The following FN1 variants were observed in gnomAD, a reference collection of about 807,000 sequenced individuals.
The protein encoded by FN1 is fibronectin.
In FN1, 106 loss-of-function variants were observed where a neutral mutation model predicts 297.3. That is an observed-to-expected ratio of 0.36 (90% CI 0.30 to 0.42). The LOEUF (loss-of-function observed/expected upper bound fraction) is 0.42. Ranked by LOEUF, FN1 falls within the 10% of genes least tolerant of loss-of-function variation. The probability of loss-of-function intolerance (pLI) is 1.00; values close to 1 mark genes in which losing one functional copy is unlikely to be tolerated. For synonymous variants in FN1, 1,149 were observed against 1,152.6 expected (o/e 1.00, Z 0.06); for missense variants, 2,690 against 3,124.9 (o/e 0.86, Z 3.32).
chr2:215,368,819 CTT>C (rs1321068389), intron 41 of FN1, among the ~76,000 whole-genome samples: 1 of 152,006 alleles, frequency 6.6e-6, no homozygotes, highest in Non-Finnish European at 1.5e-5. Context: ...GATCTTATCT[CTT>C]TATGATTTGG....
In FN1 at chr2:215,411,974, C is replaced by T. The variant is rs554910845; in HGVS notation, c.1942-1860G>A. 1.6e-4 allele frequency among the ~76,000 whole-genome samples: 25 copies of T among 152,154 alleles called. No homozygotes were observed. In the South Asian group the frequency reaches 4.8e-3, roughly 29 times the overall value. On this transcript the variant is annotated intron_variant, in intron 13 of 45. Transcript: ENST00000354785. The stretch of plus-strand genomic sequence containing the variant: ...GAGCCACTGCGCCTGGCCCAAAGTA[C>T]ATTTTATACCACTTTTAAGTCTCCC...
At chr2:215,368,498 T>C (rs2055136793) in intron 41 of FN1, among the ~76,000 whole-genome samples, 1 of 152,248 alleles carries the variant, frequency 6.6e-6, no homozygotes, top group South Asian at 2.1e-4. Context: ...GAAGATTATA[T>C]AAGGCCATGA....
intron 33 of FN1, 25 bp from the exon 34 acceptor site, chr2:215,379,342 G>A (rs772022394): frequency 6.2e-7 from 1 of 1,607,076 alleles, no homozygotes; most frequent in Non-Finnish European, 8.5e-7. Context: ...ATTGGTTAGA[G>A]GTTATCTTAT....
At chr2:215,422,309 A>C in intron 9 of FN1, 66 bp from the exon 10 acceptor site, 2 of 1,462,664 alleles carry the variant, frequency 1.4e-6, no homozygotes, top group Non-Finnish European at 1.9e-6. Context: ...GTATGTGTGC[A>C]AAAGGATCAG....
rs756600264 is a variant in FN1, at chr2:215,435,616, C to T, written c.148+39G>A. The T allele has an allele frequency of 6.8e-6, 11 of 1,612,260 alleles. No individual in the cohort carries two copies. In the South Asian group the frequency reaches 1.1e-4, roughly 16 times the overall value. On this transcript the variant is annotated intron_variant, in intron 1 of 45. Transcript: ENST00000354785. ...ACTTTGGTCGGCTTTAGGGTCCCAT[C>T]CCTGAGGCAGCCTGTTTCAGCCCGC...
intron 23 of FN1, among the ~76,000 whole-genome samples, chr2:215,396,357 A>G (rs779441365): frequency 3.3e-5 from 5 of 152,180 alleles, no homozygotes; most frequent in Non-Finnish European, 5.9e-5. Flanking sequence ...TGTTATTGCT[A>G]TAGTACGTCA....
At position 215,414,912 on chromosome 2, in the gene FN1, C is replaced by T; in HGVS notation, c.1866G>A (p.Gln622=). 1 of 1,613,902 alleles carries T rather than the reference C, an allele frequency of 6.2e-7. No homozygotes were observed. Among genetic ancestry groups the T allele is most frequent in the Non-Finnish European group, 8.5e-7 (1 of 1,179,884 alleles). Residue 622 remains glutamine, a synonymous_variant, in exon 13 of 46, where the codon CAG becomes CAA. Transcript: ENST00000354785. ...TCCACTGGATGGGGTGGGAGTTGGGCTGACTCGGAGTCTCAGTGATAAATA... is the reference window on the plus strand; with the variant it reads ...TCCACTGGATGGGGTGGGAGTTGGGTTGACTCGGAGTCTCAGTGATAAATA... ...VEVFITETPS[Q]PNSHPIQWNA...
chr2:215,432,475 A>G (rs1446902713), intron 3 of FN1, among the ~76,000 whole-genome samples: 2 of 152,230 alleles, frequency 1.3e-5, no homozygotes, highest in Admixed American at 6.5e-5. Context: ...GCCCAATGGC[A>G]CATTCAAATG....
chr2:215,371,028 G>C (rs1306195562), intron 40 of FN1, among the ~76,000 whole-genome samples: 2 of 152,202 alleles, frequency 1.3e-5, no homozygotes, highest in African/African-American at 2.4e-5. Flanking sequence ...CCAGCACTTT[G>C]GGAGGCCAAG....
Position 215,419,287 on chromosome 2 carries a change from G to A in FN1, c.1774C>T (p.Arg592Cys), listed in dbSNP as rs759145515. Residue 592 changes from arginine (R) to cysteine (C), a missense_variant, in exon 12 of 46, where the codon CGT becomes TGT. Physicochemically the swap from Arg to Cys is radical, Grantham distance 180 (BLOSUM62 -3). This residue lies in a region of FN1 where 876 missense variants were observed against 1,058.1 expected (regional missense o/e 0.83). Transcript: ENST00000354785. ...TGGCAATGCCACTCCCCAATGCCAC[G>A]GCCATAGCAGTAGCACTGGTATCTG... is the stretch of plus-strand genomic sequence containing the variant. ...GVRYQCYCYG[R>C]GIGEWHCQPL... The A allele has an allele frequency of 3.7e-6, 6 of 1,612,934 alleles. No individual in the cohort carries two copies. The highest frequency in any genetic ancestry group is 1.3e-5 in the African/African-American group (1 of 74,862).
intron 41 of FN1, among the ~76,000 whole-genome samples, chr2:215,369,934 G>A (rs10932613): frequency 0.13 from 20,028 of 152,158 alleles, 1,691 homozygotes; most frequent in East Asian, 0.21. Context: ...AGCATGGTGA[G>A]ATGGAGAGGG....
In FN1 at chr2:215,372,261, G is replaced by A; in HGVS notation, c.6362C>T (p.Thr2121Ile). Residue 2121 changes from threonine to isoleucine, a missense_variant, in exon 40 of 46, where the codon ACT becomes ATT. This residue lies in a region of FN1 where 1,743 missense variants were observed against 1,945.2 expected (regional missense o/e 0.90). Coordinates refer to ENST00000354785, the MANE Select transcript of FN1 (RefSeq NM_212482.4). The stretch of plus-strand genomic sequence containing the variant: ...GCCAGGAAGCTGAATACCATTTCCA[G>A]TGTCATACCCAGGGTGGGTGACGAA... ...TPFVTHPGYD[T>I]GNGIQLPGTS... 1 of 1,614,216 alleles carries A rather than the reference G, an allele frequency of 6.2e-7. No individual in the cohort carries two copies. Among genetic ancestry groups the A allele is most frequent in the Non-Finnish European group, 8.5e-7 (1 of 1,180,026 alleles).
intron 2 of FN1, among the ~76,000 whole-genome samples, chr2:215,434,023 A>G (rs2067006140): frequency 6.6e-6 from 1 of 152,142 alleles, no homozygotes; most frequent in Non-Finnish European, 1.5e-5. Context: ...AATTGCTTGA[A>G]CCCTGGAGGC....
At chr2:215,425,798 C>T (rs994587992) in intron 6 of FN1, among the ~76,000 whole-genome samples, 1 of 151,944 alleles carries the variant, frequency 6.6e-6, no homozygotes, top group Non-Finnish European at 1.5e-5. Context: ...TCTCAAACTC[C>T]TGACCTCAGG....
chr2:215,419,190 G>A (rs376662404), intron 12 of FN1, 52 bp downstream of exon 12: 28 of 1,551,452 alleles, frequency 1.8e-5, no homozygotes, highest in African/African-American at 1.6e-4. Flanking sequence ...TCACTGCCCT[G>A]TTGTTATAAC....
Position 215,386,558 on chromosome 2 carries a change from A to T in FN1, c.4612+131T>A, listed in dbSNP as rs191959741. Reference sequence around the variant, plus strand: ...CTCACTTCCCTCTCCATGTACCATGACAATGATCTATTTTTTTTTTTTTTT... The same window carrying T: ...CTCACTTCCCTCTCCATGTACCATGTCAATGATCTATTTTTTTTTTTTTTT... On this transcript the variant is annotated intron_variant, in intron 28 of 45. Coordinates refer to ENST00000354785, the MANE Select transcript of FN1 (RefSeq NM_212482.4). 2.7e-3 allele frequency: 2,064 copies of T among 758,674 alleles called. 28 individuals carry two copies. In the African/African-American group the frequency reaches 0.03, roughly 11 times the overall value. 47.0% of individuals were successfully genotyped at this position (758,674 alleles called of 1,614,324 possible). A position where few individuals can be genotyped will look rare whatever the true frequency, so the allele number is the denominator to read the frequency against.
chr2:215,366,558 C>T (rs1422534050), intron 42 of FN1, among the ~76,000 whole-genome samples: 1 of 152,174 alleles, frequency 6.6e-6, no homozygotes, highest in African/African-American at 2.4e-5. Flanking sequence ...CAGTTTTATG[C>T]CTTTAACTAC....
chr2:215,399,413 T>C (rs1382278391), intron 20 of FN1, 62 bp from the exon 21 acceptor site: 2 of 1,092,228 alleles, frequency 1.8e-6, no homozygotes, highest in African/African-American at 1.5e-5. Context: ...GCATAGCATA[T>C]AGATAACAAG....
chr2:215,375,183 A>C (rs760133841), intron 38 of FN1, 31 bp downstream of exon 38: 6 of 1,609,344 alleles, frequency 3.7e-6, no homozygotes, highest in Non-Finnish European at 4.3e-6. Flanking sequence ...AGGTAGTAAG[A>C]AGGAAAATGA....
Sources: allele counts gnomAD v4.1 joint callset (sites outside exome capture counted in the v4.1 genomes callset), GRCh38; gene constraint gnomAD v4.1.1; regional missense constraint gnomAD v4.1.1; transcripts MANE v1.5; gene names NCBI Gene and HGNC (gene_info 2026-07-23, HGNC 2026-07-21).